IGSF21: variants seen among roughly 807,000 people sequenced by gnomAD.
IGSF21 encodes the protein immunoglobin superfamily member 21.
Under a neutral mutation model 46.8 loss-of-function variants are expected in IGSF21, and 28 were observed. The ratio of observed to expected loss-of-function variants is 0.60; its 90% CI spans 0.44 to 0.82. The LOEUF is 0.82. Ranked by LOEUF, IGSF21 falls within the 40% of genes least tolerant of loss-of-function variation. IGSF21 has a pLI of 0.00. For synonymous variants in IGSF21, 284 were observed against 273.6 expected, an observed-to-expected ratio of 1.04 and a Z score of -0.38; for missense variants, 624 against 665.5, an observed-to-expected ratio of 0.94 and a Z score of 0.69.
At position 18,334,797 on chromosome 1, in the gene IGSF21, G is replaced by A. The variant is rs1297460499; in HGVS notation, c.306-95G>A. The A allele has an allele frequency of 4.7e-6, 4 of 859,114 alleles. No homozygotes were observed. The Admixed American group carries it at 5.2e-5, about 11-fold the overall frequency. 53.2% of individuals were successfully genotyped at this position (859,114 alleles called of 1,614,324 possible). ...ACACAGGCCTGTGTTTGTTAGTGGA[G>A]GCTGCACCAGTGGGCATCAGGATGA... On this transcript the variant is annotated intron_variant, in intron 3 of 9. Transcript: ENST00000251296. The surrounding 1 kb of genome is among the most constrained non-coding windows in gnomAD (Gnocchi z 4.3).
At chr1:18,347,998 T>C (rs34143689) in intron 4 of IGSF21, among the ~76,000 whole-genome samples, 15,449 of 152,274 alleles carry the variant, frequency 0.1, 1,020 homozygotes, top group Middle Eastern at 0.16. Flanking sequence ...TACAGTCTAA[T>C]AGCAATGAAT....
At chr1:18,127,468 G>A (rs1471183302) in intron 1 of IGSF21, among the ~76,000 whole-genome samples, 3 of 152,008 alleles carry the variant, frequency 2.0e-5, no homozygotes, top group Non-Finnish European at 2.9e-5. Flanking sequence ...GTCCTCCTCC[G>A]GACAGTGCTG....
At chr1:18,374,853 T>C (rs747512921) in intron 6 of IGSF21, among the ~76,000 whole-genome samples, 7 of 152,086 alleles carry the variant, frequency 4.6e-5, no homozygotes, top group Non-Finnish European at 7.4e-5. Context: ...GACAAACCTT[T>C]TCCACCCTTA....
rs1253458961 is a variant in IGSF21 at position 18,365,672 on chromosome 1, G to T, written c.990G>T (p.Met330Ile). The T allele has an allele frequency of 1.2e-6, 2 of 1,613,510 alleles. No individual in the cohort carries two copies. Among genetic ancestry groups the T allele is most frequent in the Non-Finnish European group, 1.7e-6 (2 of 1,179,548 alleles). ...SCEVKHPALS[M>I]PMQAEVTLVA... Reference sequence around the variant, plus strand: ...AGGTCAAGCACCCAGCTCTGTCGATGCCCATGCAGGCAGAGGTCACGCTGG... The same window carrying T: ...AGGTCAAGCACCCAGCTCTGTCGATTCCCATGCAGGCAGAGGTCACGCTGG... The change falls in exon 6 of 10, where the codon ATG becomes ATT. Residue 330 changes from methionine to isoleucine, a missense_variant. Transcript: ENST00000251296. This position sits in a 1 kb window ranked among gnomAD's most constrained non-coding sequence, Gnocchi z 4.8.
At chr1:18,288,806 G>T (rs1163776606) in intron 2 of IGSF21, among the ~76,000 whole-genome samples, 3 of 152,176 alleles carry the variant, frequency 2.0e-5, no homozygotes, top group Non-Finnish European at 2.9e-5. Flanking sequence ...CTGCCCTCCA[G>T]ATCCCTCACC....
intron 2 of IGSF21, among the ~76,000 whole-genome samples, chr1:18,256,238 T>A (rs1183437659): frequency 1.3e-5 from 2 of 152,226 alleles, no homozygotes. Context: ...GCTGGAAATC[T>A]TTCCTCAACT....
chr1:18,277,179 A>G (rs2085110064), intron 2 of IGSF21, among the ~76,000 whole-genome samples: 1 of 152,234 alleles, frequency 6.6e-6, no homozygotes, highest in Non-Finnish European at 1.5e-5. Flanking sequence ...GTGCAGGACA[A>G]AGGCTGGGGT....
At position 18,235,110 on chromosome 1, in the gene IGSF21, T is replaced by G. The variant is rs1168582506; in HGVS notation, c.183+7100T>G. ...ATACACTGTTGTCTGAGACTCATTC[T>G]ACAGTTATTGAATCTGAATTTCCAG... On this transcript the variant is annotated intron_variant, in intron 2 of 9. Transcript: ENST00000251296. Among the ~76,000 whole-genome samples, 3 of 152,246 alleles carry G rather than the reference T, an allele frequency of 2.0e-5. No homozygotes were observed. In the East Asian group the frequency reaches 5.8e-4, roughly 29 times the overall value.
At chr1:18,297,745 A>G (rs973173333) in intron 3 of IGSF21, among the ~76,000 whole-genome samples, 3 of 152,280 alleles carry the variant, frequency 2.0e-5, no homozygotes, top group Non-Finnish European at 4.4e-5. Context: ...AATACTTACT[A>G]TCATGTAAAT....
intron 2 of IGSF21, among the ~76,000 whole-genome samples, chr1:18,259,392 C>G (rs1278459067): frequency 6.6e-5 from 10 of 152,170 alleles, no homozygotes; most frequent in Admixed American, 6.5e-4. Context: ...TCAGTACAGG[C>G]TAGTATTCCA....
rs555101802 is a variant in IGSF21 at position 18,161,956 on chromosome 1, T to C, written c.70+53758T>C. On this transcript the variant is annotated intron_variant, in intron 1 of 9. Coordinates refer to ENST00000251296, the MANE Select transcript of IGSF21 (RefSeq NM_032880.5). ...CTGCAAAAGGGGATCATCATACCCTTCCTATAGAGCAAACTTCTTAATATA... is the reference window on the plus strand; with the variant it reads ...CTGCAAAAGGGGATCATCATACCCTCCCTATAGAGCAAACTTCTTAATATA... 2.6e-5 allele frequency among the ~76,000 whole-genome samples: 4 copies of C among 152,246 alleles called. No individual in the cohort carries two copies. In the East Asian group the frequency reaches 7.7e-4, roughly 29 times the overall value.
intron 4 of IGSF21, among the ~76,000 whole-genome samples, chr1:18,353,162 G>T (rs2085975848): frequency 6.6e-6 from 1 of 151,810 alleles, no homozygotes; most frequent in Non-Finnish European, 1.5e-5. Context: ...TTTTCCCTTG[G>T]CTGCTGTTAC....
At chr1:18,124,426 C>T (rs1454464096) in intron 1 of IGSF21, among the ~76,000 whole-genome samples, 2 of 152,234 alleles carry the variant, frequency 1.3e-5, no homozygotes, top group East Asian at 3.8e-4. Flanking sequence ...AGGGGTTGCG[C>T]AGCTTGTAAG....
At chr1:18,272,426 T>C (rs1468136887) in intron 2 of IGSF21, among the ~76,000 whole-genome samples, 1 of 152,212 alleles carries the variant, frequency 6.6e-6, no homozygotes, top group African/African-American at 2.4e-5. Flanking sequence ...TTTCCTCATC[T>C]GCGTGGAATA....
chr1:18,143,011 G>C (rs1285653254), intron 1 of IGSF21, among the ~76,000 whole-genome samples: 2 of 152,192 alleles, frequency 1.3e-5, no homozygotes, highest in South Asian at 4.1e-4. Flanking sequence ...CAATTTGGGG[G>C]ACCCCAGGAT....
chr1:18,337,011 C>T lies in IGSF21; in HGVS notation c.424+2001C>T, dbSNP rs1329604307. On this transcript the variant is annotated intron_variant, in intron 4 of 9. Transcript: ENST00000251296. The surrounding 1 kb of genome is among the most constrained non-coding windows in gnomAD (Gnocchi z 5.7). ...CGACCCCTATGATTCAGTTATCTCC[C>T]ACTAGGTCCCTCCTACAACACATGG... Among the ~76,000 whole-genome samples, 2 of 152,212 alleles carry T rather than the reference C, an allele frequency of 1.3e-5. No individual in the cohort carries two copies. The highest frequency in any genetic ancestry group is 2.9e-5 in the Non-Finnish European group (2 of 68,028).
intron 1 of IGSF21, among the ~76,000 whole-genome samples, chr1:18,186,270 G>A (rs2086902280): frequency 1.3e-5 from 2 of 152,108 alleles, no homozygotes; most frequent in South Asian, 4.2e-4. Context: ...TGTAAATCTT[G>A]CCCCCAACAG....
chr1:18,300,566 C>T (rs223163), intron 3 of IGSF21, among the ~76,000 whole-genome samples: 3 of 152,162 alleles, frequency 2.0e-5, no homozygotes, highest in African/African-American at 2.4e-5. Context: ...TTGAGCTGCC[C>T]GCATACCTGG....
chr1:18,241,798 T>C (rs2084731086), intron 2 of IGSF21, among the ~76,000 whole-genome samples: 1 of 152,184 alleles, frequency 6.6e-6, no homozygotes, highest in Non-Finnish European at 1.5e-5. Flanking sequence ...AATCACAAGA[T>C]GCCGGTACAG....
Sources: gnomAD v4.1 joint callset for allele counts (sites outside exome capture counted in the v4.1 genomes callset) on GRCh38, gnomAD v4.1.1 for gene constraint, Gnocchi (gnomAD v3.1) non-coding constraint, MANE v1.5 for transcripts, NCBI Gene and HGNC (gene_info 2026-07-23, HGNC 2026-07-21) for gene names.